TCERG1L: variants seen among roughly 807,000 people sequenced by gnomAD.
TCERG1L encodes transcription elongation regulator 1 like.
In TCERG1L, 37 loss-of-function variants were observed where a neutral mutation model predicts 56.3. The observed-to-expected ratio is 0.66, with a 90% confidence interval of 0.51 to 0.87. The LOEUF (loss-of-function observed/expected upper bound fraction) is 0.87. Among genes scored for constraint, TCERG1L ranks in the 40% least tolerant of loss-of-function variants. The pLI, the probability that TCERG1L is intolerant of heterozygous loss-of-function variation, is 0.00. For synonymous variants in TCERG1L, 324 were observed against 326.3 expected (o/e 0.99, Z 0.08); for missense variants, 799 against 774.2 (o/e 1.03, Z -0.38).
At chr10:131,128,350 G>A (rs1367022627) in intron 8 of TCERG1L, among the ~76,000 whole-genome samples, 5 of 152,282 alleles carry the variant, frequency 3.3e-5, no homozygotes, top group Non-Finnish European at 2.9e-5. Flanking sequence ...TCCAAGCCAC[G>A]AAACAGAACA....
chr10:131,249,610 C>CT (rs1034946954), intron 4 of TCERG1L, among the ~76,000 whole-genome samples: 8 of 152,192 alleles, frequency 5.3e-5, no homozygotes, highest in African/African-American at 1.9e-4. Flanking sequence ...AAATTTTGTT[C>CT]TTTTTTGAAA....
chr10:131,259,834 G>C (rs903639318), intron 4 of TCERG1L, among the ~76,000 whole-genome samples: 2 of 152,214 alleles, frequency 1.3e-5, no homozygotes, highest in Admixed American at 6.5e-5. Context: ...GGACTGCCTG[G>C]GGGGAGCAGC....
chr10:131,226,151 G>T (rs1845789186), intron 4 of TCERG1L, among the ~76,000 whole-genome samples: 1 of 152,154 alleles, frequency 6.6e-6, no homozygotes, highest in African/African-American at 2.4e-5. Context: ...AGGTTGCCTA[G>T]GCTGGTCCTG....
At chr10:131,234,811 T>C (rs11017830) in intron 4 of TCERG1L, among the ~76,000 whole-genome samples, 17,448 of 152,214 alleles carry the variant, frequency 0.11, 1,234 homozygotes, top group East Asian at 0.32. Context: ...TCAAGTGATT[T>C]TCCTGCCCCA....
intron 4 of TCERG1L, among the ~76,000 whole-genome samples, chr10:131,230,238 G>A (rs1845834323): frequency 6.6e-6 from 1 of 152,256 alleles, no homozygotes; most frequent in African/African-American, 2.4e-5. Context: ...CGAGGACAAG[G>A]CAGCTTCCCC....
intron 4 of TCERG1L, among the ~76,000 whole-genome samples, chr10:131,253,367 T>A (rs920396273): frequency 1.3e-5 from 2 of 151,322 alleles, no homozygotes; most frequent in African/African-American, 4.9e-5. Flanking sequence ...TGGTCTTCAG[T>A]GGCCTTCGAC....
chr10:131,309,437 AG>A lies in TCERG1L; in HGVS notation c.343-139del, dbSNP rs1846854658. The A allele has an allele frequency of 1.4e-5, 17 of 1,185,228 alleles. No homozygotes were observed. The South Asian group carries it at 2.6e-4, about 18-fold the overall frequency. The allele number at this position is 1,185,228 out of a possible 1,614,324, so 73.4% of individuals were successfully genotyped here. ...TTTGATTATCAGATAAATTTCCTCG[AG>A]AAAAACTATAAGTATGTACCAATCA... On this transcript the variant is annotated intron_variant, in intron 1 of 11. Transcript: ENST00000368642.
At chr10:131,290,393 A>G (rs1846599681) in intron 3 of TCERG1L, among the ~76,000 whole-genome samples, 1 of 152,168 alleles carries the variant, frequency 6.6e-6, no homozygotes, top group African/African-American at 2.4e-5. Flanking sequence ...GCACTTTAGG[A>G]GGCTGAGGCG....
rs776949099 is a variant in TCERG1L at position 131,308,376 on chromosome 10, A to C, written c.505T>G (p.Ser169Ala). The change falls in exon 3 of 12, where the codon TCC (serine) becomes GCC (alanine). Residue 169 changes from serine to alanine, a missense_variant. Transcript: ENST00000368642. ...ATCCACGTTGAGTCCAGAGCAAAGG[A>C]ATTATTAAAAAAGATCTGTCGAAAA... ...IPNCKIFFNN[S>A]FALDSTWIHP... is the part of the protein sequence containing the mutation. 6.2e-7 allele frequency: 1 copy of C among 1,612,850 alleles called. No individual in the cohort carries two copies. Among genetic ancestry groups the C allele is most frequent in the South Asian group, 1.1e-5 (1 of 90,864 alleles).
chr10:131,220,250 G>A (rs1269359911), intron 4 of TCERG1L, among the ~76,000 whole-genome samples: 1 of 152,172 alleles, frequency 6.6e-6, no homozygotes, highest in Non-Finnish European at 1.5e-5. Context: ...ACCCACCCAG[G>A]TGCCGCAGAT....
In TCERG1L at chr10:131,311,303, G is replaced by C. The variant is rs1185202763; in HGVS notation, c.333C>G (p.Leu111=). The C allele has an allele frequency of 2.5e-6, 3 of 1,206,236 alleles. No individual in the cohort carries two copies. In the African/African-American group the frequency reaches 4.7e-5, roughly 19 times the overall value. 74.7% of individuals were successfully genotyped at this position (1,206,236 alleles called of 1,614,324 possible). A position where few individuals can be genotyped will look rare whatever the true frequency, so the allele number is the denominator to read the frequency against. The change falls in exon 1 of 12, where the codon CTC becomes CTG. Residue 111 remains leucine (L), a synonymous_variant. Transcript: ENST00000368642. The surrounding 1 kb of genome is among the most constrained non-coding windows in gnomAD (Gnocchi z 4.0). ...GACGGGGACACGTTACCTGCCCGTGGAGCGCGGGGAAGGGGTGCGCGGCGG... is the reference window on the plus strand; with the variant it reads ...GACGGGGACACGTTACCTGCCCGTGCAGCGCGGGGAAGGGGTGCGCGGCGG... The part of the protein sequence containing the change: ...AAAAAHPFPA[L]HGQWLFGGHS...
intron 3 of TCERG1L, among the ~76,000 whole-genome samples, chr10:131,295,955 G>A (rs1379868106): frequency 6.6e-6 from 1 of 151,948 alleles, no homozygotes; most frequent in African/African-American, 2.4e-5. Context: ...ATTTCTGTTG[G>A]ATTTTTTTTT....
chr10:131,192,441 A>C (rs1410672500), intron 4 of TCERG1L, among the ~76,000 whole-genome samples: 1 of 144,388 alleles, frequency 6.9e-6, no homozygotes, highest in Non-Finnish European at 1.5e-5. Flanking sequence ...ACCCTGATGG[A>C]AACAGTATGG....
At chr10:131,162,452 G>T (rs965054400) in intron 6 of TCERG1L, 2 of 152,290 alleles carry the variant, frequency 1.3e-5, no homozygotes, top group African/African-American at 2.4e-5. Context: ...TGCAAGGCTG[G>T]TGGGGGCCCT....
chr10:131,190,238 G>C (rs11595868), intron 4 of TCERG1L, among the ~76,000 whole-genome samples: 26,755 of 151,872 alleles, frequency 0.18, 2,532 homozygotes, highest in Middle Eastern at 0.23. Context: ...AAATAGAAAC[G>C]CTGAGCACAC....
At chr10:131,287,875 G>T (rs1011155133) in intron 3 of TCERG1L, among the ~76,000 whole-genome samples, 1 of 152,334 alleles carries the variant, frequency 6.6e-6, no homozygotes, top group East Asian at 1.9e-4. Context: ...CGAGTGACAG[G>T]CCATTTTGAA....
intron 4 of TCERG1L, among the ~76,000 whole-genome samples, chr10:131,167,497 C>T (rs1589734426): frequency 6.6e-6 from 1 of 152,244 alleles, no homozygotes; most frequent in African/African-American, 2.4e-5. Context: ...ACACTGTTGG[C>T]CAAGCCTTGT....
chr10:131,220,564 A>G (rs533853634), intron 4 of TCERG1L, among the ~76,000 whole-genome samples: 1 of 151,766 alleles, frequency 6.6e-6, no homozygotes, highest in Non-Finnish European at 1.5e-5. Context: ...GGGTTCAGAG[A>G]GGGAGGGAGG....
chr10:131,261,621 T>C (rs933871576), intron 3 of TCERG1L, among the ~76,000 whole-genome samples: 1 of 152,236 alleles, frequency 6.6e-6, no homozygotes, highest in Non-Finnish European at 1.5e-5. Flanking sequence ...TGTATCGTCA[T>C]TCAGTCAACC....
Sources: allele counts gnomAD v4.1 joint callset (sites outside exome capture counted in the v4.1 genomes callset), GRCh38; gene constraint gnomAD v4.1.1; non-coding constraint Gnocchi (gnomAD v3.1); transcripts MANE v1.5; gene names NCBI Gene and HGNC (gene_info 2026-07-23, HGNC 2026-07-21).